The following CNTN6 variants were observed in gnomAD, a reference collection of about 807,000 sequenced individuals.
CNTN6 encodes the protein contactin 6, also known as contactin-6.
Under a neutral mutation model 122.8 loss-of-function variants are expected in CNTN6, and 137 were observed. That is an observed-to-expected ratio of 1.12 (90% CI 0.97 to 1.29). The LOEUF is 1.29. Among genes scored for constraint, CNTN6 ranks in the 50% most tolerant of loss-of-function variants. The pLI, the probability that CNTN6 is intolerant of heterozygous loss-of-function variation, is 0.00. For synonymous variants in CNTN6, 570 were observed against 426.0 expected, an observed-to-expected ratio of 1.34 and a Z score of -4.16; for missense variants, 1,634 against 1,223.4, an observed-to-expected ratio of 1.34 and a Z score of -5.01.
chr3:1,196,030 G>A (rs541962119), intron 2 of CNTN6, among the ~76,000 whole-genome samples: 3 of 152,162 alleles, frequency 2.0e-5, no homozygotes, highest in Admixed American at 6.5e-5. Context: ...ACAATGAAAG[G>A]TTAGGTTCTT....
chr3:1,325,619 C>CA (rs1304884983), intron 8 of CNTN6, among the ~76,000 whole-genome samples, 196 bp from the exon 9 acceptor site: 2 of 151,894 alleles, frequency 1.3e-5, no homozygotes, highest in East Asian at 3.9e-4. Flanking sequence ...GAGCCAAATG[C>CA]CCAATGATAT....
chr3:1,098,610 T>C (rs1484834681), intron 1 of CNTN6, among the ~76,000 whole-genome samples: 1 of 151,516 alleles, frequency 6.6e-6, no homozygotes, highest in African/African-American at 2.4e-5. Context: ...TTGAATAATA[T>C]ATTTGACTTC....
rs1451235356 is a variant in CNTN6 at position 1,122,438 on chromosome 3, A to G, written c.-82-25489A>G. On this transcript the variant is annotated intron_variant, in intron 1 of 22. Transcript: ENST00000446702. ...CAGCGGTGATTTAAAAACACAGTTT[A>G]TTGAAGTATAATTCCCATGACATAA... Among the ~76,000 whole-genome samples, 3 of 145,628 alleles carry G rather than the reference A, an allele frequency of 2.1e-5. No homozygotes were observed. The East Asian group carries it at 5.8e-4, about 28-fold the overall frequency.
chr3:1,280,243 C>T (rs1430106443), intron 5 of CNTN6, among the ~76,000 whole-genome samples: 1 of 151,980 alleles, frequency 6.6e-6, no homozygotes, highest in Non-Finnish European at 1.5e-5. Context: ...AATTAAAAGG[C>T]AGCCAGACAG....
At chr3:1,349,799 G>A (rs1473815257) in intron 11 of CNTN6, among the ~76,000 whole-genome samples, 2 of 151,264 alleles carry the variant, frequency 1.3e-5, no homozygotes, top group Non-Finnish European at 3.0e-5. Flanking sequence ...TGTTTATATT[G>A]TCATGAGATT....
chr3:1,378,127 C>T (rs1710149303), intron 17 of CNTN6, among the ~76,000 whole-genome samples: 1 of 152,070 alleles, frequency 6.6e-6, no homozygotes, highest in Non-Finnish European at 1.5e-5. Context: ...CCCTTGAAGG[C>T]TGTCCATGGA....
At chr3:1,241,836 G>A (rs1349800784) in intron 4 of CNTN6, among the ~76,000 whole-genome samples, 4 of 152,222 alleles carry the variant, frequency 2.6e-5, no homozygotes, top group African/African-American at 9.6e-5. Flanking sequence ...CTGGAGGACT[G>A]ATAAAGTTTG....
chr3:1,383,439 G>T, intron 19 of CNTN6, 31 bp downstream of exon 19: 1 of 1,559,888 alleles, frequency 6.4e-7, no homozygotes, highest in South Asian at 1.1e-5. Flanking sequence ...TTTTGCTTAT[G>T]AATGTGCCAA....
intron 7 of CNTN6, among the ~76,000 whole-genome samples, chr3:1,299,021 T>C (rs1474256273): frequency 2.6e-5 from 4 of 152,156 alleles, no homozygotes; most frequent in Non-Finnish European, 5.9e-5. Flanking sequence ...CAAATAATGG[T>C]GGTTACTAAA....
At chr3:1,250,385 G>A (rs988884352) in intron 4 of CNTN6, among the ~76,000 whole-genome samples, 2 of 152,084 alleles carry the variant, frequency 1.3e-5, no homozygotes, top group African/African-American at 4.8e-5. Flanking sequence ...TAGTTAACAG[G>A]GGAAAATGTC....
At chr3:1,327,633 A>T (rs1701725449) in intron 10 of CNTN6, 47 bp downstream of exon 10, 1 of 1,592,622 alleles carries the variant, frequency 6.3e-7, no homozygotes, top group Non-Finnish European at 8.6e-7. Flanking sequence ...ACGTTTTAAC[A>T]AGCTATAATT....
chr3:1,210,952 C>G (rs1223988327), intron 2 of CNTN6, among the ~76,000 whole-genome samples: 1 of 152,212 alleles, frequency 6.6e-6, no homozygotes, highest in Non-Finnish European at 1.5e-5. Flanking sequence ...CTCACATGAC[C>G]TGGGGGCCTT....
chr3:1,375,292 G>T (rs543082880), intron 16 of CNTN6, among the ~76,000 whole-genome samples: 1 of 152,066 alleles, frequency 6.6e-6, no homozygotes, highest in South Asian at 2.1e-4. Context: ...CAAAGTTTGT[G>T]TGCCACCTTC....
At chr3:1,229,770 C>T (rs79429661) in intron 4 of CNTN6, among the ~76,000 whole-genome samples, 1 of 152,020 alleles carries the variant, frequency 6.6e-6, no homozygotes. Context: ...ATTTTTCTGT[C>T]CTTATTGACT....
chr3:1,223,312 C>T (rs551851410), intron 3 of CNTN6, among the ~76,000 whole-genome samples: 1 of 152,162 alleles, frequency 6.6e-6, no homozygotes. Context: ...CGTCATCTTC[C>T]TTATTCATAA....
At chr3:1,155,845 C>T (rs2092950510) in intron 2 of CNTN6, among the ~76,000 whole-genome samples, 1 of 152,198 alleles carries the variant, frequency 6.6e-6, no homozygotes, top group African/African-American at 2.4e-5. Flanking sequence ...TATTTTGAGG[C>T]ATCCTCTGTG....
At chr3:1,326,536 C>T (rs1701566635) in intron 9 of CNTN6, among the ~76,000 whole-genome samples, 1 of 151,768 alleles carries the variant, frequency 6.6e-6, no homozygotes, top group South Asian at 2.1e-4. Flanking sequence ...GTCTTTAAAC[C>T]CCTAGGAAAG....
intron 12 of CNTN6, among the ~76,000 whole-genome samples, chr3:1,365,570 T>C (rs1271756906): frequency 6.6e-6 from 1 of 152,076 alleles, no homozygotes; most frequent in East Asian, 1.9e-4. Flanking sequence ...TCCATTTCTA[T>C]GTACGAACAC....
At chr3:1,099,641 A>G (rs1043297425) in intron 1 of CNTN6, among the ~76,000 whole-genome samples, 2 of 152,168 alleles carry the variant, frequency 1.3e-5, no homozygotes, top group Admixed American at 1.3e-4. Flanking sequence ...TTCATTAAGA[A>G]TATCAAGTCC....
Sources: gnomAD v4.1 joint callset for allele counts (sites outside exome capture counted in the v4.1 genomes callset) on GRCh38, gnomAD v4.1.1 for gene constraint, MANE v1.5 for transcripts, NCBI Gene and HGNC (gene_info 2026-07-23, HGNC 2026-07-21) for gene names.